ZNF138: variants seen among roughly 807,000 people sequenced by gnomAD.
ZNF138 encodes the protein zinc finger protein 138.
A neutral mutation model predicts 33.0 loss-of-function variants in ZNF138; 33 were observed. That is an observed-to-expected ratio of 1.00 (90% CI 0.76 to 1.34). The LOEUF is 1.34. Ranked by LOEUF, ZNF138 falls within the 40% of genes most tolerant of loss-of-function variation. The probability of loss-of-function intolerance (pLI) is 0.00; values close to 1 mark genes in which losing one functional copy is unlikely to be tolerated. For missense variants in ZNF138, 360 were observed against 370.8 expected (o/e 0.97, Z 0.24); for synonymous variants, 139 against 120.4 (o/e 1.15, Z -1.01).
At chr7:64,852,429 G>A in the ZNF138 span, 1 of 1,569,478 alleles carries the variant, frequency 6.4e-7, no homozygotes, top group Non-Finnish European at 8.7e-7. Context: ...TTCACATTTT[G>A]AGTGGCCACT....
chr7:64,799,788 C>T (rs1164644399), intron 1 of ZNF138, among the ~76,000 whole-genome samples: 3 of 152,112 alleles, frequency 2.0e-5, no homozygotes, highest in African/African-American at 7.2e-5. Flanking sequence ...GGATTACAGG[C>T]CTGTGCCACC....
At chr7:64,834,248 A>G (rs1790300719), downstream of ZNF138, among the ~76,000 whole-genome samples, 1 of 152,218 alleles carries the variant, frequency 6.6e-6, no homozygotes, top group South Asian at 2.1e-4. Flanking sequence ...ACATCTTAGA[A>G]AACACCAGGG....
intron 1 of ZNF138, among the ~76,000 whole-genome samples, chr7:64,795,156 C>A (rs1786584172): frequency 6.6e-6 from 1 of 152,058 alleles, no homozygotes; most frequent in Non-Finnish European, 1.5e-5. Context: ...GAGGAAATTT[C>A]CTGGTCATGT....
chr7:64,800,931 A>G (rs538213670), intron 1 of ZNF138, among the ~76,000 whole-genome samples: 3 of 152,216 alleles, frequency 2.0e-5, no homozygotes, highest in African/African-American at 7.2e-5. Flanking sequence ...TTTTTCAGGA[A>G]TGTACTATTT....
intron 1 of ZNF138, among the ~76,000 whole-genome samples, chr7:64,808,230 C>G (rs1214661442): frequency 6.6e-6 from 1 of 152,152 alleles, no homozygotes; most frequent in Non-Finnish European, 1.5e-5. Flanking sequence ...TGTTCCTCCC[C>G]TCATACAAGA....
intron 1 of ZNF138, among the ~76,000 whole-genome samples, chr7:64,809,605 A>C (rs1387597292): frequency 9.9e-5 from 13 of 131,514 alleles, no homozygotes; most frequent in African/African-American, 2.1e-4. Flanking sequence ...GACCCCCCCC[A>C]CACCTCCCTC....
the ZNF138 span, among the ~76,000 whole-genome samples, chr7:64,846,749 A>C: frequency 2.0e-5 from 3 of 152,060 alleles, no homozygotes; most frequent in Admixed American, 1.3e-4. Context: ...GATGCCCTTT[A>C]TTTCTTTCTC....
chr7:64,820,604 C>T (rs2129006787), intron 3 of ZNF138, among the ~76,000 whole-genome samples: 1 of 151,716 alleles, frequency 6.6e-6, no homozygotes, highest in East Asian at 1.9e-4. Context: ...GGTTCTGTCA[C>T]CCAGGCTGGA....
intron 1 of ZNF138, among the ~76,000 whole-genome samples, chr7:64,806,031 T>C (rs1324226710): frequency 2.8e-4 from 43 of 152,220 alleles, no homozygotes. Flanking sequence ...ATAAAACAGC[T>C]TTCTTTCTGT....
the ZNF138 span, among the ~76,000 whole-genome samples, chr7:64,850,991 A>G: frequency 6.6e-6 from 1 of 152,142 alleles, no homozygotes; most frequent in African/African-American, 2.4e-5. Flanking sequence ...CATTCACCAG[A>G]GTTCTGTACA....
At chr7:64,825,702 G>C (rs980226915) in intron 3 of ZNF138, among the ~76,000 whole-genome samples, 5 of 151,684 alleles carry the variant, frequency 3.3e-5, no homozygotes, top group African/African-American at 1.2e-4. Context: ...GCCATGCCTA[G>C]CTAATTTTTG....
At chr7:64,794,646 G>A (rs1583751523) in intron 1 of ZNF138, 75 bp downstream of exon 1, 1 of 1,603,914 alleles carries the variant, frequency 6.2e-7, no homozygotes, top group Middle Eastern at 1.7e-4. Context: ...GGCTGTGGCA[G>A]TACTCGGGTC....
At chr7:64,799,363 T>A (rs1786959435) in intron 1 of ZNF138, among the ~76,000 whole-genome samples, 1 of 151,982 alleles carries the variant, frequency 6.6e-6, no homozygotes, top group Non-Finnish European at 1.5e-5. Flanking sequence ...ACGGGGTTTC[T>A]CCATGTTCAG....
the ZNF138 span, among the ~76,000 whole-genome samples, chr7:64,844,482 G>A: frequency 6.6e-5 from 10 of 152,126 alleles, no homozygotes; most frequent in African/African-American, 2.2e-4. Context: ...TAGGTCTGGA[G>A]TCGATCTCTG....
intron 1 of ZNF138, among the ~76,000 whole-genome samples, chr7:64,803,180 CT>C (rs1177642779): frequency 6.8e-6 from 1 of 146,708 alleles, no homozygotes; most frequent in South Asian, 2.1e-4. Flanking sequence ...ACAGCTAAAT[CT>C]TTTGTCATTG....
Position 64,794,553 on chromosome 7 carries a change from C to T in ZNF138, c.-16C>T, listed in dbSNP as rs575157711. 1 of 1,613,464 alleles carries T rather than the reference C, an allele frequency of 6.2e-7. No homozygotes were observed. The highest frequency in any genetic ancestry group is 1.3e-5 in the African/African-American group (1 of 75,034). Reference sequence around the variant, plus strand: ...GATTCACAGCTAAGACGCCAGGATCCCCCGGAAGCCTAGAAATGGTGAGAG... The same window carrying T: ...GATTCACAGCTAAGACGCCAGGATCTCCCGGAAGCCTAGAAATGGTGAGAG... On this transcript the variant is annotated 5_prime_UTR_variant, in exon 1 of 4. Transcript: ENST00000307355.
chr7:64,810,020 G>A (rs182544291), intron 1 of ZNF138, among the ~76,000 whole-genome samples: 21,284 of 91,280 alleles, frequency 0.23, 2,959 homozygotes, highest in Non-Finnish European at 0.31. Flanking sequence ...ATGATGGGCG[G>A]CCAGGCAGAG....
At chr7:64,841,180 C>T in the ZNF138 span, among the ~76,000 whole-genome samples, 2 of 151,926 alleles carry the variant, frequency 1.3e-5, no homozygotes, top group Non-Finnish European at 1.5e-5. Context: ...TGACTAATAA[C>T]GATTTTTATA....
At chr7:64,819,726 T>C (rs1788958714) in intron 3 of ZNF138, among the ~76,000 whole-genome samples, 1 of 64,502 alleles carries the variant, frequency 1.6e-5, no homozygotes, top group Admixed American at 2.3e-4. Flanking sequence ...TTTCAAAAAT[T>C]AATTGTAAAA....
Sources: gnomAD v4.1 joint callset for allele counts (sites outside exome capture counted in the v4.1 genomes callset) on GRCh38, gnomAD v4.1.1 for gene constraint, MANE v1.5 for transcripts, NCBI Gene and HGNC (gene_info 2026-07-23, HGNC 2026-07-21) for gene names.